The following ROBO2 variants were observed in gnomAD, a reference collection of about 807,000 sequenced individuals.
The protein encoded by ROBO2 is roundabout homolog 2.
In ROBO2, 53 loss-of-function variants were observed where a neutral mutation model predicts 160.8. That is an observed-to-expected ratio of 0.33 (90% CI 0.26 to 0.41). The LOEUF (loss-of-function observed/expected upper bound fraction) is 0.41, where lower values mean the gene tolerates loss of function less well. ROBO2 is among the 10% of genes least tolerant of loss of function. The pLI is 1.00. For synonymous variants in ROBO2, 664 were observed against 611.7 expected (o/e 1.09, Z -1.26); for missense variants, 1,577 against 1,722.4 (o/e 0.92, Z 1.49).
intron 2 of ROBO2, among the ~76,000 whole-genome samples, chr3:76,347,804 G>A (rs959114166): frequency 6.6e-6 from 1 of 152,008 alleles, no homozygotes; most frequent in African/African-American, 2.4e-5. Flanking sequence ...ACTTTGCAGT[G>A]TCTGTTGTGA....
intron 2 of ROBO2, among the ~76,000 whole-genome samples, chr3:76,533,625 A>G (rs1240512327): frequency 2.0e-5 from 3 of 152,214 alleles, no homozygotes; most frequent in Admixed American, 6.5e-5. Context: ...TGTGTGAGCA[A>G]CAAGGCTGCT....
At chr3:76,301,138 A>C (rs554766526) in intron 2 of ROBO2, among the ~76,000 whole-genome samples, 2 of 152,246 alleles carry the variant, frequency 1.3e-5, no homozygotes, top group Admixed American at 1.3e-4. Context: ...AAGAGCATCC[A>C]GAAATCTAAA....
At chr3:77,291,356 G>A (rs1232594871) in intron 2 of ROBO2, among the ~76,000 whole-genome samples, 13 of 151,446 alleles carry the variant, frequency 8.6e-5, no homozygotes, top group East Asian at 7.9e-4. Context: ...TAAAATTGAC[G>A]GTTAAATGGG....
chr3:76,045,339 C>G (rs2107786509), intron 2 of ROBO2, among the ~76,000 whole-genome samples: 1 of 152,118 alleles, frequency 6.6e-6, no homozygotes, highest in Middle Eastern at 3.4e-3. Context: ...TTACTACTTT[C>G]TCACATTCCA....
intron 2 of ROBO2, among the ~76,000 whole-genome samples, chr3:76,158,053 G>A (rs1013994106): frequency 1.3e-5 from 2 of 152,090 alleles, no homozygotes; most frequent in Admixed American, 1.3e-4. Context: ...TCAGGAAGTT[G>A]GGAACCAATG....
chr3:76,762,128 A>G (rs2061340474), intron 2 of ROBO2, among the ~76,000 whole-genome samples: 1 of 151,630 alleles, frequency 6.6e-6, no homozygotes, highest in South Asian at 2.1e-4. Flanking sequence ...TCATTCAGGC[A>G]TTTAAAAATA....
At chr3:77,524,390 G>T (rs1016774571) in intron 6 of ROBO2, among the ~76,000 whole-genome samples, 11 of 151,068 alleles carry the variant, frequency 7.3e-5, no homozygotes, top group Non-Finnish European at 1.6e-4. Context: ...TCATACATTT[G>T]TCATATGTTT....
intron 2 of ROBO2, among the ~76,000 whole-genome samples, chr3:77,159,305 TC>T (rs2078284823): frequency 6.6e-6 from 1 of 152,148 alleles, no homozygotes; most frequent in Admixed American, 6.5e-5. Flanking sequence ...TTTTAGTTAT[TC>T]CCACTCCAAT....
intron 2 of ROBO2, among the ~76,000 whole-genome samples, chr3:77,154,635 G>T (rs773660760): frequency 6.6e-6 from 1 of 151,964 alleles, no homozygotes; most frequent in Non-Finnish European, 1.5e-5. Context: ...GACCATCGGC[G>T]GTGGACTGTA....
At chr3:76,848,806 T>C (rs1392033023) in intron 2 of ROBO2, among the ~76,000 whole-genome samples, 1 of 152,148 alleles carries the variant, frequency 6.6e-6, no homozygotes, top group African/African-American at 2.4e-5. Context: ...ACCTCCCTAA[T>C]AGACTAACAT....
At chr3:77,588,968 T>G (rs368435540) in intron 17 of ROBO2, 35 bp downstream of exon 18, 8 of 1,606,036 alleles carry the variant, frequency 5.0e-6, no homozygotes, top group Non-Finnish European at 6.8e-6. Context: ...AAATCTCTTG[T>G]CTGTAGGAAT....
At chr3:76,554,398 C>CT (rs1560138731) in intron 2 of ROBO2, among the ~76,000 whole-genome samples, 2 of 152,074 alleles carry the variant, frequency 1.3e-5, no homozygotes, top group Admixed American at 1.3e-4. Context: ...GTTGTTTACG[C>CT]TTTTTTGTTT....
chr3:76,211,162 A>T (rs555473398), intron 2 of ROBO2, among the ~76,000 whole-genome samples: 1 of 152,194 alleles, frequency 6.6e-6, no homozygotes, highest in Non-Finnish European at 1.5e-5. Flanking sequence ...GCCCTTCTAT[A>T]AAGCGCTTCA....
intron 2 of ROBO2, among the ~76,000 whole-genome samples, chr3:77,298,905 A>G (rs2062394864): frequency 6.6e-6 from 1 of 152,186 alleles, no homozygotes; most frequent in Admixed American, 6.6e-5. Context: ...ACACTGACTG[A>G]CAAAAGTGTC....
At chr3:77,469,901 C>A (rs2083182039) in intron 2 of ROBO2, among the ~76,000 whole-genome samples, 1 of 152,114 alleles carries the variant, frequency 6.6e-6, no homozygotes, top group South Asian at 2.1e-4. Context: ...TACCCTTCAA[C>A]TAGAGAGCTC....
At chr3:77,571,829 T>G (rs563041525) in intron 13 of ROBO2, among the ~76,000 whole-genome samples, 1 of 151,648 alleles carries the variant, frequency 6.6e-6, no homozygotes, top group Non-Finnish European at 1.5e-5. Context: ...CCAGTAAAAA[T>G]CTCACCTATT....
chr3:77,218,856 T>G (rs115839693), intron 2 of ROBO2, among the ~76,000 whole-genome samples: 172 of 152,336 alleles, frequency 1.1e-3, no homozygotes, highest in African/African-American at 3.9e-3. Flanking sequence ...ACACTCTACA[T>G]CCAGAATCCA....
chr3:76,325,590 T>C (rs1387263789), intron 2 of ROBO2, among the ~76,000 whole-genome samples: 7 of 152,146 alleles, frequency 4.6e-5, no homozygotes, highest in African/African-American at 1.7e-4. Flanking sequence ...TTATGAATAA[T>C]TTGTTTGCAT....
chr3:77,610,904 A>G (rs547399766), intron 21 of ROBO2, among the ~76,000 whole-genome samples: 11 of 152,076 alleles, frequency 7.2e-5, no homozygotes, highest in African/African-American at 2.7e-4. Flanking sequence ...TTATTCCTAA[A>G]GCTTGCTCCT....
Sources: allele counts gnomAD v4.1 joint callset (sites outside exome capture counted in the v4.1 genomes callset), GRCh38; gene constraint gnomAD v4.1.1; transcripts MANE v1.5; gene names NCBI Gene and HGNC (gene_info 2026-07-23, HGNC 2026-07-21).